The following KIFC3 variants were observed in gnomAD, a reference collection of about 807,000 sequenced individuals.
KIFC3 encodes kinesin-like protein KIFC3.
Under a neutral mutation model 101.8 loss-of-function variants are expected in KIFC3, and 60 were observed. The observed-to-expected ratio is 0.59, with a 90% confidence interval of 0.48 to 0.73. The LOEUF (loss-of-function observed/expected upper bound fraction) is 0.73. Among genes scored for constraint, KIFC3 ranks in the 30% least tolerant of loss-of-function variants. The pLI is 0.00. For synonymous variants in KIFC3, 476 were observed against 482.7 expected (o/e 0.99, Z 0.18); for missense variants, 966 against 1,137.1 (o/e 0.85, Z 2.16).
At chr16:57,798,585 A>C (rs1327444215) in intron 1 of KIFC3, 1 of 498,392 alleles carries the variant, frequency 2.0e-6, no homozygotes, top group African/African-American at 2.0e-5. Flanking sequence ...AGGACAAGCC[A>C]GGTCCTAGCC....
Position 57,802,001 on chromosome 16 carries a change from A to C in KIFC3, c.-40+369T>G, listed in dbSNP as rs1470175107. On this transcript the variant is annotated intron_variant, in intron 1 of 19. Transcript: ENST00000445690. The surrounding 1 kb of genome is among the most constrained non-coding windows in gnomAD (Gnocchi z 5.0). ...GGGAGGGACCCAAAGGCAGCCTTCCAGGGAGCCCTGGGGGTGGGGAAGACG... is the reference window on the plus strand; with the variant it reads ...GGGAGGGACCCAAAGGCAGCCTTCCCGGGAGCCCTGGGGGTGGGGAAGACG... Among the ~76,000 whole-genome samples the C allele has an allele frequency of 6.6e-6, 1 of 152,212 alleles. No homozygotes were observed. Among genetic ancestry groups the C allele is most frequent in the African/African-American group, 2.4e-5 (1 of 41,462 alleles).
intron 12 of KIFC3, among the ~76,000 whole-genome samples, chr16:57,763,180 T>G (rs1021466957): frequency 2.0e-4 from 30 of 152,188 alleles, no homozygotes; most frequent in Non-Finnish European, 4.0e-4. Flanking sequence ...AGGGACTGTT[T>G]GGGTCACAGC....
chr16:57,823,094 AG>A (rs1476904407), intron 1 of KIFC3, among the ~76,000 whole-genome samples: 1 of 152,212 alleles, frequency 6.6e-6, no homozygotes, highest in Non-Finnish European at 1.5e-5. Flanking sequence ...GGAATTCAAA[AG>A]TCGACCAGCA....
intron 3 of KIFC3, among the ~76,000 whole-genome samples, chr16:57,780,681 T>C (rs1300330538): frequency 1.1e-4 from 14 of 132,528 alleles, no homozygotes; most frequent in Middle Eastern, 3.5e-3. Flanking sequence ...TTTTTTTTTT[T>C]TTTTTTTTTT....
chr16:57,834,543 G>A (rs888138748), intron 1 of KIFC3, among the ~76,000 whole-genome samples: 3 of 151,578 alleles, frequency 2.0e-5, no homozygotes, highest in Admixed American at 1.3e-4. Context: ...ACAGGTTCTC[G>A]CTCTGTTGCC....
At chr16:57,810,744 A>G (rs2055051471) in intron 1 of KIFC3, 3 of 945,512 alleles carry the variant, frequency 3.2e-6, no homozygotes, top group Non-Finnish European at 3.8e-6. Flanking sequence ...TACACACAGG[A>G]TTGCCTTTGC....
intron 1 of KIFC3, among the ~76,000 whole-genome samples, chr16:57,811,805 AC>A (rs1279145191): frequency 2.0e-5 from 3 of 151,462 alleles, no homozygotes; most frequent in Non-Finnish European, 2.9e-5. Context: ...AAACCCAGCT[AC>A]TTGGGAGGCT....
chr16:57,801,326 C>A (rs2054711187), intron 1 of KIFC3, among the ~76,000 whole-genome samples: 2 of 152,184 alleles, frequency 1.3e-5, no homozygotes, highest in African/African-American at 4.8e-5. Flanking sequence ...GGAAGTTGTA[C>A]AGGGAATGCC....
intron 3 of KIFC3, among the ~76,000 whole-genome samples, chr16:57,788,945 T>C (rs576614303): frequency 9.6e-4 from 146 of 152,328 alleles, no homozygotes; most frequent in Non-Finnish European, 1.7e-3. Flanking sequence ...CAGCAGCTGG[T>C]CTTCTGCACC....
chr16:57,760,484 C>A, intron 16 of KIFC3, 68 bp from the exon 17 acceptor site: 1 of 1,567,140 alleles, frequency 6.4e-7, no homozygotes, highest in Non-Finnish European at 8.7e-7. Flanking sequence ...CGAGAGGGAG[C>A]TCACAGCTGG....
Position 57,783,952 on chromosome 16 carries a change from C to G in KIFC3, c.315+11047G>C, listed in dbSNP as rs144503833. 2.2e-3 allele frequency among the ~76,000 whole-genome samples: 336 copies of G among 152,336 alleles called. 1 individual carries two copies. The highest frequency in any genetic ancestry group is 7.7e-3 in the African/African-American group (322 of 41,582). On this transcript the variant is annotated intron_variant, in intron 3 of 19. Coordinates refer to ENST00000445690, the MANE Select transcript of KIFC3 (RefSeq NM_001130100.2). ...GGCGCTTGAGCCACACCTCTCCTAC[C>G]ACAAGTCCTTTTGCACTGGCTAGGC...
upstream of KIFC3, among the ~76,000 whole-genome samples, chr16:57,804,144 T>C (rs1273444667): frequency 1.3e-5 from 2 of 152,232 alleles, no homozygotes; most frequent in African/African-American, 4.8e-5. Context: ...ATTGTTCTTT[T>C]GCTTTGATTA....
intron 1 of KIFC3, among the ~76,000 whole-genome samples, chr16:57,842,572 G>A (rs995982367): frequency 1.1e-4 from 16 of 152,280 alleles, no homozygotes; most frequent in Middle Eastern, 3.4e-3. Context: ...ATTCAATTTC[G>A]TAATTCAGTA....
At chr16:57,793,363 C>T (rs2054037012) in intron 3 of KIFC3, among the ~76,000 whole-genome samples, 1 of 151,230 alleles carries the variant, frequency 6.6e-6, no homozygotes, top group African/African-American at 2.4e-5. Context: ...GAGGCTGGGG[C>T]GGGCAGATCA....
intron 1 of KIFC3, among the ~76,000 whole-genome samples, chr16:57,824,976 T>C (rs1367676427): frequency 2.0e-5 from 3 of 152,102 alleles, no homozygotes; most frequent in Admixed American, 2.0e-4. Context: ...ATCAAATAGT[T>C]AACCTGCCTC....
intron 1 of KIFC3, among the ~76,000 whole-genome samples, chr16:57,821,368 C>T (rs1008899488): frequency 3.3e-5 from 5 of 152,118 alleles, no homozygotes; most frequent in Admixed American, 6.5e-5. Context: ...TGTAGCTTTG[C>T]GCAGGGACAG....
At chr16:57,776,027 A>C (rs1415865503) in intron 3 of KIFC3, 2 of 985,304 alleles carry the variant, frequency 2.0e-6, no homozygotes, top group Non-Finnish European at 1.2e-6. Context: ...GGCTCGACCA[A>C]GGGTGGGGCC....
At position 57,821,130 on chromosome 16, in the gene KIFC3, T is replaced by TAA. The variant is rs35996609; in HGVS notation, c.109-22850_109-22849dup. 3.3e-3 allele frequency among the ~76,000 whole-genome samples: 478 copies of TAA among 143,476 alleles called. 3 individuals are homozygous for TAA. Among genetic ancestry groups the TAA allele is most frequent in the African/African-American group, 8.5e-3 (332 of 38,912 alleles). The allele number at this position is 143,476 out of a possible 152,430, so 94.1% of individuals were successfully genotyped here. On this transcript the variant is annotated intron_variant, in intron 1 of 2. Transcript: ENST00000563028. Reference sequence around the variant, plus strand: ...TGAGTGACACAGCAAGCCTGTGTATTAAAAAAAAAAAAAGGGAGGACTATG... The same window carrying TAA: ...TGAGTGACACAGCAAGCCTGTGTATTAAAAAAAAAAAAAAAGGGAGGACTATG...
chr16:57,833,885 T>C (rs1050590871), intron 1 of KIFC3, among the ~76,000 whole-genome samples: 162 of 132,972 alleles, frequency 1.2e-3, no homozygotes, highest in Non-Finnish European at 2.2e-3. Flanking sequence ...TTTTTTTTTT[T>C]TGAGTCTGAG....
Sources: allele counts gnomAD v4.1 joint callset (sites outside exome capture counted in the v4.1 genomes callset), GRCh38; gene constraint gnomAD v4.1.1; non-coding constraint Gnocchi (gnomAD v3.1); transcripts MANE v1.5; gene names NCBI Gene and HGNC (gene_info 2026-07-23, HGNC 2026-07-21).